Variants in CD8B2 observed in about 807,000 individuals in gnomAD.
CD8B2 encodes the protein T-cell surface glycoprotein CD8 beta-2 chain.
CD8B2 carries 11 observed loss-of-function variants against 23.7 expected under a neutral mutation model. That is an observed-to-expected ratio of 0.46 (90% CI 0.29 to 0.77). The LOEUF is 0.77. Among genes scored for constraint, CD8B2 ranks in the 30% least tolerant of loss-of-function variants. The pLI is 0.09. For missense variants in CD8B2, 197 were observed against 270.5 expected (o/e 0.73, Z 1.91); for synonymous variants, 90 against 109.3 (o/e 0.82, Z 1.10).
At chr2:106,493,760 G>A (rs4676038) in intron 2 of CD8B2, among the ~76,000 whole-genome samples, 38,870 of 152,090 alleles carry the variant, frequency 0.26, 5,262 homozygotes, top group African/African-American at 0.3. Context: ...AGAAGCACAG[G>A]TTCTAGAATC....
At chr2:106,528,972 G>T (rs948307678) in intron 5 of CD8B2, among the ~76,000 whole-genome samples, 1 of 152,154 alleles carries the variant, frequency 6.6e-6, no homozygotes, top group Non-Finnish European at 1.5e-5. Context: ...TCCTGATATA[G>T]CGCCTTTCTG....
intron 3 of CD8B2, among the ~76,000 whole-genome samples, chr2:106,498,537 G>A (rs1055278487): frequency 1.7e-4 from 26 of 152,214 alleles, no homozygotes; most frequent in African/African-American, 5.8e-4. Flanking sequence ...TAACCCGGAT[G>A]TGTGTGAAGG....
At chr2:106,539,828 GA>G (rs34945450) in intron 5 of CD8B2, among the ~76,000 whole-genome samples, 2 of 151,842 alleles carry the variant, frequency 1.3e-5, no homozygotes, top group African/African-American at 4.8e-5. Context: ...TGCCAAGTGG[GA>G]AAAAAAAGTG....
At chr2:106,503,892 C>G (rs1285074935) in intron 4 of CD8B2, among the ~76,000 whole-genome samples, 1 of 152,204 alleles carries the variant, frequency 6.6e-6, no homozygotes, top group African/African-American at 2.4e-5. Context: ...ATTGCCCTAG[C>G]CTGAGACTGC....
intron 5 of CD8B2, among the ~76,000 whole-genome samples, chr2:106,520,996 G>GC (rs1679816627): frequency 9.4e-5 from 1 of 10,668 alleles, no homozygotes; most frequent in Non-Finnish European, 2.7e-4. Flanking sequence ...AGAAAAAATT[G>GC]CAAAAAAAAA....
At chr2:106,516,885 T>A (rs1679736865) in intron 5 of CD8B2, among the ~76,000 whole-genome samples, 1 of 149,420 alleles carries the variant, frequency 6.7e-6, no homozygotes, top group Non-Finnish European at 1.5e-5. Context: ...TTTATTAATA[T>A]GCATTATTCA....
chr2:106,501,910 A>G (rs927533064), intron 3 of CD8B2, among the ~76,000 whole-genome samples: 1 of 152,230 alleles, frequency 6.6e-6, no homozygotes, highest in African/African-American at 2.4e-5. Flanking sequence ...ACTCATTACC[A>G]GGCATGAAAA....
chr2:106,488,015 C>G (rs1310875853), intron 1 of CD8B2, among the ~76,000 whole-genome samples: 1 of 151,996 alleles, frequency 6.6e-6, no homozygotes, highest in Non-Finnish European at 1.5e-5. Context: ...AGCGTGGCTC[C>G]CTAGGAAGCA....
chr2:106,543,075 A>C (rs1680202472), intron 5 of CD8B2: 1 of 152,222 alleles, frequency 6.6e-6, no homozygotes. Flanking sequence ...GGCTCTGTTA[A>C]CAGTGTAAAG....
At chr2:106,502,674 GCCTCAGAGAACCTGCGGTATTT>G in intron 4 of CD8B2, 111 bp downstream of exon 4, 1 of 604,172 alleles carries the variant, frequency 1.7e-6, no homozygotes, top group Non-Finnish European at 2.9e-6. Flanking sequence ...GTGGGAATTT[GCCTCAGAGAACCTGCGGTATTT>G]CCGGAGGTAG....
chr2:106,526,752 C>G (rs566946711), intron 5 of CD8B2, among the ~76,000 whole-genome samples: 5 of 152,090 alleles, frequency 3.3e-5, no homozygotes, highest in Non-Finnish European at 7.4e-5. Flanking sequence ...CTGGTTCAAG[C>G]GATTCTCCTG....
At position 106,489,446 on chromosome 2, in the gene CD8B2, A is replaced by T. The variant is rs1460322371; in HGVS notation, c.44-1428A>T. Among the ~76,000 whole-genome samples the T allele has an allele frequency of 1.1e-4, 17 of 152,138 alleles. No homozygotes were observed. The East Asian group carries it at 3.3e-3, about 30-fold the overall frequency. The stretch of plus-strand genomic sequence containing the variant: ...TGCAAGTGCAGGCAGGATTTTAAAC[A>T]TGAGGTGCTCAGTAAGCTGGCTCCT... On this transcript the variant is annotated intron_variant, in intron 1 of 5. Transcript: ENST00000643224.
intron 3 of CD8B2, among the ~76,000 whole-genome samples, chr2:106,500,708 G>A (rs1679389897): frequency 6.6e-6 from 1 of 152,056 alleles, no homozygotes; most frequent in Admixed American, 6.5e-5. Flanking sequence ...GCCCAAATCT[G>A]CAGCCTTGCC....
chr2:106,522,380 C>T (rs1679840494), intron 5 of CD8B2, among the ~76,000 whole-genome samples: 1 of 152,272 alleles, frequency 6.6e-6, no homozygotes, highest in Admixed American at 6.5e-5. Flanking sequence ...GAGATGTCCA[C>T]AATTTAAATA....
intron 2 of CD8B2, among the ~76,000 whole-genome samples, chr2:106,493,029 C>T (rs1202264113): frequency 2.6e-5 from 4 of 152,106 alleles, no homozygotes; most frequent in African/African-American, 7.2e-5. Context: ...GCCTTCCCAC[C>T]GCCTCCATCC....
At chr2:106,538,201 A>G (rs1680118089) in intron 5 of CD8B2, 1 of 152,112 alleles carries the variant, frequency 6.6e-6, no homozygotes, top group Non-Finnish European at 1.5e-5. Context: ...TTCCCAAATA[A>G]CACTTGCCAG....
In CD8B2 at chr2:106,510,095, TAATAC is replaced by T. The variant is rs1042437407; in HGVS notation, c.*3160_*3164del. On this transcript the variant is annotated 3_prime_UTR_variant, in exon 6 of 6. Coordinates refer to ENST00000643224, the MANE Select transcript of CD8B2 (RefSeq NM_001349727.2). ...TTAAAACATCTGTATAGATTATTCT[TAATAC>T]AATATATGGCGCAATACGTAGTCAC... 2.0e-5 allele frequency: 3 copies of T among 152,218 alleles called. No homozygotes were observed. The highest frequency in any genetic ancestry group is 6.5e-5 in the Admixed American group (1 of 15,274). 9.4% of individuals were successfully genotyped at this position (152,218 alleles called of 1,614,324 possible). A position where few individuals can be genotyped will look rare whatever the true frequency, so the allele number is the denominator to read the frequency against.
chr2:106,541,859 C>T (rs779796763), intron 5 of CD8B2, among the ~76,000 whole-genome samples: 1 of 152,204 alleles, frequency 6.6e-6, no homozygotes, highest in Non-Finnish European at 1.5e-5. Context: ...AACTCCACCA[C>T]GAATCTGCCC....
intron 5 of CD8B2, among the ~76,000 whole-genome samples, chr2:106,527,806 A>AAAC (rs1558885498): frequency 5.3e-5 from 8 of 151,194 alleles, no homozygotes; most frequent in African/African-American, 1.5e-4. Flanking sequence ...AACAAAACAA[A>AAAC]AAACAAACAA....
Sources: allele counts gnomAD v4.1 joint callset (sites outside exome capture counted in the v4.1 genomes callset), GRCh38; gene constraint gnomAD v4.1.1; transcripts MANE v1.5; gene names NCBI Gene and HGNC (gene_info 2026-07-23, HGNC 2026-07-21).